CENPU: variants seen among roughly 807,000 people sequenced by gnomAD.
CENPU encodes the protein KSHV latent nuclear antigen interacting protein 1.
CENPU carries 46 observed loss-of-function variants against 56.7 expected under a neutral mutation model. The ratio of observed to expected loss-of-function variants is 0.81; its 90% CI spans 0.64 to 1.04. The LOEUF (loss-of-function observed/expected upper bound fraction) is 1.04. CENPU is among the 50% of genes least tolerant of loss of function. The pLI, the probability that CENPU is intolerant of heterozygous loss-of-function variation, is 0.00. For missense variants in CENPU, 510 were observed against 490.1 expected, an observed-to-expected ratio of 1.04 and a Z score of -0.38; for synonymous variants, 166 against 163.0, an observed-to-expected ratio of 1.02 and a Z score of -0.14.
rs1234385600 is a variant in CENPU, at chr4:184,716,506, G to T, written c.509C>A (p.Ser170Tyr). The change falls in exon 6 of 13, where the codon TCT becomes TAT. Residue 170 changes from serine (S) to tyrosine (Y), a missense_variant. Coordinates refer to ENST00000281453, the MANE Select transcript of CENPU (RefSeq NM_024629.4). Reference protein sequence around the residue: ...QRHEVIRTTASSELSEKPAES... With the variant: ...QRHEVIRTTAYSELSEKPAES... ...AGCTGGTTTCTCTGAAAGTTCTGAAGACGCTGTGGTTCGAATAACCTCATG... is the reference window on the plus strand; with the variant it reads ...AGCTGGTTTCTCTGAAAGTTCTGAATACGCTGTGGTTCGAATAACCTCATG... 6.2e-7 allele frequency: 1 copy of T among 1,614,052 alleles called. No individual in the cohort carries two copies. The highest frequency in any genetic ancestry group is 1.3e-5 in the African/African-American group (1 of 74,918).
At chr4:184,724,790 G>A (rs1315918188) in intron 4 of CENPU, among the ~76,000 whole-genome samples, 167 bp downstream of exon 4, 1 of 152,120 alleles carries the variant, frequency 6.6e-6, no homozygotes. Context: ...TATAATTATC[G>A]TGTCAATTAT....
At chr4:184,718,236 T>C (rs561243873) in intron 4 of CENPU, among the ~76,000 whole-genome samples, 43 of 152,322 alleles carry the variant, frequency 2.8e-4, no homozygotes, top group African/African-American at 1.0e-3. Flanking sequence ...TTCTGCCCAA[T>C]ACAGGCCAGG....
chr4:184,705,923 A>C (rs1247285878), intron 8 of CENPU, among the ~76,000 whole-genome samples: 4 of 152,196 alleles, frequency 2.6e-5, no homozygotes, highest in African/African-American at 9.7e-5. Context: ...ATAGAAACAG[A>C]AAGTAGAAGG....
intron 8 of CENPU, among the ~76,000 whole-genome samples, chr4:184,706,310 C>T (rs765777987): frequency 6.6e-6 from 1 of 152,088 alleles, no homozygotes; most frequent in Non-Finnish European, 1.5e-5. Context: ...TGGAGACCAG[C>T]CTGGGCAACA....
At chr4:184,707,886 G>A (rs1367227031) in intron 8 of CENPU, among the ~76,000 whole-genome samples, 1 of 152,148 alleles carries the variant, frequency 6.6e-6, no homozygotes, top group Non-Finnish European at 1.5e-5. Context: ...ATATTCTAAG[G>A]AAGATATTAG....
At chr4:184,721,814 C>T (rs1413788589) in intron 4 of CENPU, among the ~76,000 whole-genome samples, 4 of 152,116 alleles carry the variant, frequency 2.6e-5, no homozygotes. Context: ...ACTTCAACAC[C>T]CCACTTTCAG....
In CENPU at chr4:184,702,340, C is replaced by T. The variant is rs774845611; in HGVS notation, c.876+23G>A. ...ATTAGTGAAAAAAACCTTAGACCAA[C>T]AAATGCATGTCCGTGAGCTTACCAT... On this transcript the variant is annotated intron_variant, in intron 9 of 12. Coordinates refer to ENST00000281453, the MANE Select transcript of CENPU (RefSeq NM_024629.4). 4.4e-6 allele frequency: 7 copies of T among 1,605,680 alleles called. No homozygotes were observed. The East Asian group carries it at 1.3e-4, about 31-fold the overall frequency.
In CENPU at chr4:184,713,219, C is replaced by T. The variant is rs61532591; in HGVS notation, c.619-206G>A. Among the ~76,000 whole-genome samples the T allele has an allele frequency of 4.5e-3, 689 of 152,052 alleles. 3 individuals are homozygous for T. Among genetic ancestry groups the T allele is most frequent in the African/African-American group, 0.016 (666 of 41,496 alleles). On this transcript the variant is annotated intron_variant, in intron 6 of 12. Coordinates refer to ENST00000281453, the MANE Select transcript of CENPU (RefSeq NM_024629.4). ...CAGCCTGGCCAACATGGTGAAACCC[C>T]ATCTCTACTAAAAATACAAAAATTG...
At chr4:184,698,133 C>T (rs532743014) in intron 11 of CENPU, 2 of 212,758 alleles carry the variant, frequency 9.4e-6, no homozygotes, top group Admixed American at 5.7e-5. Context: ...CTCGCACCAG[C>T]GGAGCCAGGC....
Position 184,697,793 on chromosome 4 carries a change from G to A in CENPU, c.997C>T (p.Gln333Ter). 6.2e-7 allele frequency: 1 copy of A among 1,604,166 alleles called. No homozygotes were observed. Among genetic ancestry groups the A allele is most frequent in the Non-Finnish European group, 8.5e-7 (1 of 1,177,678 alleles). ...TATTTTGTTTGTAGTTGTTTCAGCT[G>A]TGGCTCTAACCTAAAACAAAAATAA... Reference protein sequence around the residue: ...VQDELLRLEPQLKQLQTKYDE... With the variant: ...VQDELLRLEP Residue 333 changes from glutamine to a stop codon, truncating the protein, a stop_gained, in exon 12 of 13, where the codon CAG (glutamine) becomes TAG (stop). Transcript: ENST00000281453. LOFTEE classifies it high-confidence loss of function.
intron 4 of CENPU, among the ~76,000 whole-genome samples, chr4:184,724,631 G>T (rs902373238): frequency 6.6e-6 from 1 of 152,146 alleles, no homozygotes; most frequent in Non-Finnish European, 1.5e-5. Context: ...TAGAGAATTT[G>T]TAAATGAAAG....
chr4:184,716,989 C>T, intron 5 of CENPU, 147 bp downstream of exon 5: 1 of 633,886 alleles, frequency 1.6e-6, no homozygotes, highest in Non-Finnish European at 2.6e-6. Context: ...AAAAATAGAA[C>T]TTTATGAAAA....
rs762549088 is a variant in CENPU at position 184,734,066 on chromosome 4, G to A, written c.-4C>T. The A allele has an allele frequency of 9.7e-6, 15 of 1,554,180 alleles. No individual in the cohort carries two copies. In the South Asian group the frequency reaches 1.4e-4, roughly 15 times the overall value. On this transcript the variant is annotated 5_prime_UTR_variant, in exon 1 of 13. Transcript: ENST00000281453. ...GCCGCCGCCCCCGCGGGGCCATGGT[G>A]CCGCTCTCCGCTCTCGAGCGACTGG...
intron 11 of CENPU, chr4:184,698,124 TCG>T (rs1760402860): frequency 1.7e-5 from 4 of 230,390 alleles, no homozygotes; most frequent in African/African-American, 4.6e-5. Context: ...ATTCAGAGGC[TCG>T]CACCAGCGGA....
At chr4:184,730,879 T>C (rs1443741293) in intron 2 of CENPU, 41 bp downstream of exon 2, 1 of 1,511,436 alleles carries the variant, frequency 6.6e-7, no homozygotes, top group Non-Finnish European at 8.9e-7. Flanking sequence ...TATTTTGTAC[T>C]GTCAATTTTG....
chr4:184,716,694 T>G (rs1561138839), intron 5 of CENPU, 61 bp from the exon 6 acceptor site: 1 of 1,274,592 alleles, frequency 7.8e-7, no homozygotes, highest in Admixed American at 1.9e-5. Context: ...TAATTCTTAC[T>G]GTAATAGTAG....
chr4:184,694,420 T>C lies in CENPU; in HGVS notation c.*868A>G. ...TCCTGCATATTCACTTTAGTATCTGTCACTTAATACCTTACTTCAACATAG... is the reference window on the plus strand; with the variant it reads ...TCCTGCATATTCACTTTAGTATCTGCCACTTAATACCTTACTTCAACATAG... On this transcript the variant is annotated 3_prime_UTR_variant, in exon 13 of 13. Transcript: ENST00000281453. 1 of 1,461,896 alleles carries C rather than the reference T, an allele frequency of 6.8e-7. No individual in the cohort carries two copies. The highest frequency in any genetic ancestry group is 2.4e-5 in the East Asian group (1 of 40,844). 90.6% of individuals were successfully genotyped at this position (1,461,896 alleles called of 1,614,324 possible). A position where few individuals can be genotyped will look rare whatever the true frequency, so the allele number is the denominator to read the frequency against.
At chr4:184,733,358 G>C in intron 1 of CENPU, 1 of 987,480 alleles carries the variant, frequency 1.0e-6, no homozygotes, top group Non-Finnish European at 1.2e-6. Context: ...AGATCGTCTT[G>C]GCGTATGGCT....
Position 184,724,987 on chromosome 4 carries a change from G to A in CENPU, c.290C>T (p.Ser97Leu), listed in dbSNP as rs925170490. ...FSKHCGLSLS[S>L]TPPGKEAKRS... ...TTTTGCTTCTTTTCCTGGAGGAGTT[G>A]AAGAGAGAGACAGTCCACAATGTTT... Residue 97 changes from serine to leucine, a missense_variant, in exon 4 of 13, where the codon TCA becomes TTA. Coordinates refer to ENST00000281453, the MANE Select transcript of CENPU (RefSeq NM_024629.4). 2 of 1,612,520 alleles carry A rather than the reference G, an allele frequency of 1.2e-6. No individual in the cohort carries two copies. Among genetic ancestry groups the A allele is most frequent in the Middle Eastern group, 3.3e-4 (2 of 6,054 alleles).
Sources: gnomAD v4.1 joint callset for allele counts (sites outside exome capture counted in the v4.1 genomes callset) on GRCh38, gnomAD v4.1.1 for gene constraint, MANE v1.5 for transcripts, NCBI Gene and HGNC (gene_info 2026-07-23, HGNC 2026-07-21) for gene names.